Variants in ZBTB44 observed in about 807,000 individuals in gnomAD.
ZBTB44 encodes zinc finger and BTB domain containing 44.
ZBTB44 carries 15 observed loss-of-function variants against 54.0 expected under a neutral mutation model. The ratio of observed to expected loss-of-function variants is 0.28; its 90% confidence interval spans 0.19 to 0.43. ZBTB44 has a LOEUF of 0.43. Among genes scored for constraint, ZBTB44 ranks in the 20% least tolerant of loss-of-function variants. The probability of loss-of-function intolerance (pLI) is 1.00; values close to 1 mark genes in which losing one functional copy is unlikely to be tolerated. For synonymous variants in ZBTB44, 230 were observed against 250.1 expected, an observed-to-expected ratio of 0.92 and a Z score of 0.76; for missense variants, 487 against 707.1, an observed-to-expected ratio of 0.69 and a Z score of 3.53.
chr11:130,238,610 A>G lies in ZBTB44; in HGVS notation c.1104-3T>C. ...AGGGATACTGAACATTTTCCAATCT[A>G]AAAAAAACAGACCAAAGAAGGCAAC... is the stretch of plus-strand genomic sequence containing the variant. On this transcript the variant is annotated splice_polypyrimidine_tract_variant and splice_region_variant and intron_variant, in intron 3 of 7. Coordinates refer to ENST00000357899, the MANE Select transcript of ZBTB44 (RefSeq NM_001301098.2). 6.2e-7 allele frequency: 1 copy of G among 1,601,950 alleles called. No individual in the cohort carries two copies. The highest frequency in any genetic ancestry group is 8.5e-7 in the Non-Finnish European group (1 of 1,174,542).
At chr11:130,309,606 G>T (rs760929795) in intron 1 of ZBTB44, among the ~76,000 whole-genome samples, 62 of 152,066 alleles carry the variant, frequency 4.1e-4, no homozygotes, top group Non-Finnish European at 7.8e-4. Context: ...GGGCGCAGTG[G>T]CTCACGTCTG....
At chr11:130,253,187 T>C (rs997353002) in intron 2 of ZBTB44, among the ~76,000 whole-genome samples, 4 of 152,298 alleles carry the variant, frequency 2.6e-5, no homozygotes, top group African/African-American at 9.6e-5. Flanking sequence ...TCACCACTCC[T>C]ATTCAACACA....
intron 1 of ZBTB44, among the ~76,000 whole-genome samples, chr11:130,273,193 A>G (rs982251229): frequency 2.0e-5 from 3 of 150,892 alleles, no homozygotes; most frequent in African/African-American, 7.3e-5. Flanking sequence ...GTGTTTTTCT[A>G]TTTATTTAGA....
At chr11:130,240,040 CAT>C in intron 2 of ZBTB44, 144 bp from the exon 3 acceptor site, 1 of 370,986 alleles carries the variant, frequency 2.7e-6, no homozygotes. Flanking sequence ...TAGTGTTCTA[CAT>C]TTTTTTTTTT....
At chr11:130,240,103 G>T (rs1042144464) in intron 2 of ZBTB44, among the ~76,000 whole-genome samples, 2 of 149,120 alleles carry the variant, frequency 1.3e-5, no homozygotes, top group Non-Finnish European at 3.0e-5. Flanking sequence ...GTGCGGTGGC[G>T]CGATCTCGGC....
chr11:130,260,754 A>T, intron 2 of ZBTB44, 102 bp downstream of exon 2: 2 of 1,303,482 alleles, frequency 1.5e-6, no homozygotes, highest in Middle Eastern at 2.1e-4. Flanking sequence ...ACTCTTCTTT[A>T]TATTTCCTAT....
chr11:130,300,186 C>T (rs749052986), intron 1 of ZBTB44, among the ~76,000 whole-genome samples: 20 of 152,094 alleles, frequency 1.3e-4, no homozygotes, highest in Non-Finnish European at 1.9e-4. Flanking sequence ...TACTGTTTAA[C>T]GAGCACAGTT....
At chr11:130,265,416 G>A (rs1023745827) in intron 1 of ZBTB44, among the ~76,000 whole-genome samples, 31 of 152,026 alleles carry the variant, frequency 2.0e-4, no homozygotes, top group Admixed American at 2.0e-4. Context: ...GTAGAGAGGG[G>A]GTTTCACCAT....
At chr11:130,257,022 AC>A (rs1369197796) in intron 2 of ZBTB44, among the ~76,000 whole-genome samples, 1 of 151,774 alleles carries the variant, frequency 6.6e-6, no homozygotes, top group African/African-American at 2.4e-5. Context: ...TATTTAGAAA[AC>A]CCCACTGTCT....
At chr11:130,262,057 G>C in intron 1 of ZBTB44, 128 bp from the exon 2 acceptor site, 1 of 668,996 alleles carries the variant, frequency 1.5e-6, no homozygotes, top group South Asian at 2.1e-5. Context: ...GAAACTTCAA[G>C]GTAGGGACTG....
At chr11:130,290,477 C>T (rs1941237739) in intron 1 of ZBTB44, among the ~76,000 whole-genome samples, 1 of 152,216 alleles carries the variant, frequency 6.6e-6, no homozygotes, top group South Asian at 2.1e-4. Context: ...GTCACCAAGA[C>T]CTATCTCAAA....
chr11:130,273,145 T>C (rs77612245), intron 1 of ZBTB44, among the ~76,000 whole-genome samples: 1,972 of 152,294 alleles, frequency 0.013, 48 homozygotes, highest in African/African-American at 0.045. Context: ...AATACTGCTA[T>C]CTTTACAATG....
Position 130,239,857 on chromosome 11 carries a change from A to C in ZBTB44, c.1058T>G (p.Leu353Arg), listed in dbSNP as rs1310168022. ...DEGVSEGLPT[L>R]QSTSSTNAPP... The stretch of plus-strand genomic sequence containing the variant: ...AGCATTAGTGCTAGACGTGCTTTGA[A>C]GTGTAGGCAAGCCCTCAGAAACGCC... The change falls in exon 3 of 8, where the codon CTT becomes CGT. Residue 353 changes from leucine (L) to arginine (R), a missense_variant. Around this residue, in one of 3 missense-constraint regions of ZBTB44, gnomAD observed 277 missense variants for 306.5 expected, o/e 0.90. Coordinates refer to ENST00000357899, the MANE Select transcript of ZBTB44 (RefSeq NM_001301098.2). The C allele has an allele frequency of 6.2e-7, 1 of 1,612,460 alleles. No individual in the cohort carries two copies.
intron 1 of ZBTB44, among the ~76,000 whole-genome samples, chr11:130,262,620 CA>C (rs1398407055): frequency 6.6e-6 from 1 of 151,978 alleles, no homozygotes; most frequent in Non-Finnish European, 1.5e-5. Context: ...GAGCATGCAG[CA>C]GGCAATGCCA....
chr11:130,301,115 G>A (rs1941964895), intron 1 of ZBTB44, among the ~76,000 whole-genome samples: 1 of 152,118 alleles, frequency 6.6e-6, no homozygotes. Flanking sequence ...TCCCTAGATA[G>A]GTAGAAGGAA....
intron 1 of ZBTB44, among the ~76,000 whole-genome samples, chr11:130,293,250 C>A (rs556602058): frequency 6.8e-6 from 1 of 147,322 alleles, no homozygotes; most frequent in East Asian, 2.1e-4. Flanking sequence ...TCATTTGAGC[C>A]TAGGAGTTCA....
intron 1 of ZBTB44, among the ~76,000 whole-genome samples, chr11:130,297,133 C>G (rs572585263): frequency 6.6e-5 from 10 of 152,146 alleles, no homozygotes; most frequent in Non-Finnish European, 1.3e-4. Flanking sequence ...ATTTTTGTAG[C>G]CTTTAGAATT....
intron 1 of ZBTB44, among the ~76,000 whole-genome samples, chr11:130,307,782 T>C (rs983209516): frequency 2.0e-5 from 3 of 152,176 alleles, no homozygotes; most frequent in South Asian, 2.1e-4. Context: ...TACAAGGCTA[T>C]AGTTACCAAA....
intron 2 of ZBTB44, among the ~76,000 whole-genome samples, chr11:130,256,034 G>A (rs1183200942): frequency 6.6e-6 from 1 of 151,808 alleles, no homozygotes; most frequent in Non-Finnish European, 1.5e-5. Flanking sequence ...GGTACGAAGA[G>A]AAGCTGGTAC....
Sources: gnomAD v4.1 joint callset for allele counts (sites outside exome capture counted in the v4.1 genomes callset) on GRCh38, gnomAD v4.1.1 for gene constraint, gnomAD v4.1.1 regional missense constraint, MANE v1.5 for transcripts, NCBI Gene and HGNC (gene_info 2026-07-23, HGNC 2026-07-21) for gene names.